CLNK: variants seen among roughly 807,000 people sequenced by gnomAD.
CLNK encodes cytokine dependent hematopoietic cell linker.
Under a neutral mutation model 68.6 loss-of-function variants are expected in CLNK, and 74 were observed. The observed-to-expected ratio is 1.08, with a 90% CI of 0.89 to 1.31. CLNK has a LOEUF of 1.31. Among genes scored for constraint, CLNK ranks in the 50% most tolerant of loss-of-function variants. The pLI, the probability that CLNK is intolerant of heterozygous loss-of-function variation, is 0.00. For synonymous variants in CLNK, 198 were observed against 172.2 expected (o/e 1.15, Z -1.17); for missense variants, 553 against 515.3 (o/e 1.07, Z -0.71).
At chr4:10,700,028 A>G in the CLNK span, among the ~76,000 whole-genome samples, 124,403 of 144,566 alleles carry the variant, frequency 0.86, 52,798 homozygotes, top group Admixed American at 0.89. Flanking sequence ...GTGTGTGTGT[A>G]TATATATATT....
intron 2 of CLNK, among the ~76,000 whole-genome samples, chr4:10,666,502 G>A (rs1448161871): frequency 1.3e-5 from 2 of 152,182 alleles, no homozygotes; most frequent in African/African-American, 4.8e-5. Flanking sequence ...CACAGTCAAA[G>A]GAATAATGGA....
At chr4:10,549,219 T>C (rs1719352160) in intron 8 of CLNK, among the ~76,000 whole-genome samples, 1 of 152,230 alleles carries the variant, frequency 6.6e-6, no homozygotes, top group Non-Finnish European at 1.5e-5. Context: ...TAATCATTGC[T>C]TAGCTAACCA....
At chr4:10,512,227 A>G (rs984598776) in intron 16 of CLNK, among the ~76,000 whole-genome samples, 2 of 151,308 alleles carry the variant, frequency 1.3e-5, no homozygotes, top group African/African-American at 2.4e-5. Flanking sequence ...TAAAAGAAGG[A>G]TATGCATTTT....
chr4:10,550,658 T>C (rs1450377683), intron 8 of CLNK, among the ~76,000 whole-genome samples: 1 of 152,174 alleles, frequency 6.6e-6, no homozygotes, highest in African/African-American at 2.4e-5. Flanking sequence ...TACAGACCTA[T>C]GATAAAGGTG....
At chr4:10,711,159 C>T in the CLNK span, among the ~76,000 whole-genome samples, 3 of 152,190 alleles carry the variant, frequency 2.0e-5, no homozygotes, top group African/African-American at 4.8e-5. Flanking sequence ...TAAAGTTATG[C>T]GCTGGTGGCC....
chr4:10,542,480 T>C (rs1289489274), intron 8 of CLNK, among the ~76,000 whole-genome samples, 200 bp from the exon 9 acceptor site: 1 of 152,118 alleles, frequency 6.6e-6, no homozygotes, highest in Non-Finnish European at 1.5e-5. Flanking sequence ...TCACCCTTGT[T>C]CGGTTAATGA....
At chr4:10,520,276 T>C (rs949196314) in intron 15 of CLNK, among the ~76,000 whole-genome samples, 7 of 152,212 alleles carry the variant, frequency 4.6e-5, no homozygotes, top group African/African-American at 1.7e-4. Context: ...TACAAACAGT[T>C]ACTAAGAGGT....
intron 2 of CLNK, among the ~76,000 whole-genome samples, chr4:10,611,489 T>A (rs1213705806): frequency 2.2e-5 from 2 of 91,634 alleles, no homozygotes; most frequent in African/African-American, 7.8e-5. Flanking sequence ...AGAGGGAGGC[T>A]AAGTCTGAAA....
In CLNK at chr4:10,612,830, T is replaced by G. The variant is rs183429924; in HGVS notation, c.12-14781A>C. ...TATCTCATCTGTGTTCCCCAGGGACTGTTTAATAGCAGCATTTGGCATCGA... is the reference window on the plus strand; with the variant it reads ...TATCTCATCTGTGTTCCCCAGGGACGGTTTAATAGCAGCATTTGGCATCGA... On this transcript the variant is annotated intron_variant, in intron 2 of 18. Transcript: ENST00000226951. Among the ~76,000 whole-genome samples the G allele has an allele frequency of 5.3e-5, 8 of 152,362 alleles. No individual in the cohort carries two copies. The East Asian group carries it at 1.5e-3, about 29-fold the overall frequency.
At chr4:10,671,275 A>G (rs1226496985) in intron 1 of CLNK, among the ~76,000 whole-genome samples, 1 of 152,150 alleles carries the variant, frequency 6.6e-6, no homozygotes, top group Non-Finnish European at 1.5e-5. Flanking sequence ...AATCCCAGCT[A>G]CTAGGGAGGC....
At chr4:10,582,221 C>T (rs557494226) in intron 4 of CLNK, among the ~76,000 whole-genome samples, 1 of 152,262 alleles carries the variant, frequency 6.6e-6, no homozygotes, top group Non-Finnish European at 1.5e-5. Flanking sequence ...CCAGCCTCTG[C>T]TAAATTAATA....
intron 2 of CLNK, among the ~76,000 whole-genome samples, chr4:10,651,083 C>T (rs1308445561): frequency 2.0e-5 from 3 of 152,148 alleles, no homozygotes; most frequent in South Asian, 2.1e-4. Flanking sequence ...GAAATAGGGA[C>T]GCTCTTACAC....
chr4:10,647,751 C>T (rs1312124172), intron 2 of CLNK, among the ~76,000 whole-genome samples: 1 of 152,030 alleles, frequency 6.6e-6, no homozygotes, highest in African/African-American at 2.4e-5. Context: ...AGAGGGAAAA[C>T]AAACTGTAAA....
the CLNK span, among the ~76,000 whole-genome samples, chr4:10,732,259 G>T: frequency 1.3e-5 from 2 of 152,238 alleles, no homozygotes. Context: ...GTCAGTCTTT[G>T]TGAGCTCATT....
intron 2 of CLNK, among the ~76,000 whole-genome samples, chr4:10,599,638 C>A (rs150523809): frequency 6.6e-6 from 1 of 152,204 alleles, no homozygotes; most frequent in South Asian, 2.1e-4. Context: ...TTTTTCCTAG[C>A]GAGAAGCTCC....
At chr4:10,525,995 G>T in intron 13 of CLNK, 73 bp from the exon 14 acceptor site, 1 of 817,840 alleles carries the variant, frequency 1.2e-6, no homozygotes, top group Non-Finnish European at 2.0e-6. Context: ...AAGCCCACTG[G>T]AACTACTATA....
intron 4 of CLNK, among the ~76,000 whole-genome samples, chr4:10,578,452 T>A (rs1206910585): frequency 2.0e-5 from 3 of 152,046 alleles, no homozygotes; most frequent in African/African-American, 7.2e-5. Flanking sequence ...TCATAAGATT[T>A]AAAAAAATCC....
chr4:10,611,491 A>G (rs1273439644), intron 2 of CLNK, among the ~76,000 whole-genome samples: 1 of 53,758 alleles, frequency 1.9e-5, no homozygotes, highest in East Asian at 6.9e-4. Context: ...AGGGAGGCTA[A>G]GTCTGAAAAA....
intron 2 of CLNK, among the ~76,000 whole-genome samples, chr4:10,646,804 C>T (rs895292931): frequency 4.6e-5 from 7 of 152,100 alleles, no homozygotes; most frequent in African/African-American, 1.4e-4. Flanking sequence ...ATTCATTATC[C>T]CTTAAGATCA....
Sources: gnomAD v4.1 joint callset for allele counts (sites outside exome capture counted in the v4.1 genomes callset) on GRCh38, gnomAD v4.1.1 for gene constraint, MANE v1.5 for transcripts, NCBI Gene and HGNC (gene_info 2026-07-23, HGNC 2026-07-21) for gene names.